LINGO2: variants seen among roughly 807,000 people sequenced by gnomAD.
LINGO2 encodes leucine rich repeat and Ig domain containing 2, also known as leucine-rich repeat and immunoglobulin-like domain-containing nogo receptor-interacting protein 2.
In LINGO2, 14 loss-of-function variants were observed where a neutral mutation model predicts 30.6. That is an observed-to-expected ratio of 0.46 (90% CI 0.30 to 0.72). LINGO2 has a LOEUF of 0.72. Among genes scored for constraint, LINGO2 ranks in the 30% least tolerant of loss-of-function variants. The pLI, the probability that LINGO2 is intolerant of heterozygous loss-of-function variation, is 0.07. For missense variants in LINGO2, 729 were observed against 751.7 expected (o/e 0.97, Z 0.35); for synonymous variants, 317 against 288.5 (o/e 1.10, Z -1.00).
At chr9:28,674,783 G>A (rs766749552), upstream of LINGO2, among the ~76,000 whole-genome samples, 1 of 152,080 alleles carries the variant, frequency 6.6e-6, no homozygotes, top group Non-Finnish European at 1.5e-5. Context: ...AACTCATCAT[G>A]GTCAAAAGGT....
At chr9:28,315,402 G>T (rs866961805) in intron 3 of LINGO2, among the ~76,000 whole-genome samples, 1 of 134,368 alleles carries the variant, frequency 7.4e-6, no homozygotes, top group African/African-American at 2.7e-5. Context: ...ACTCCGTCTC[G>T]GGGAAAAAAA....
chr9:28,956,398 G>A, the LINGO2 span, among the ~76,000 whole-genome samples: 1 of 152,028 alleles, frequency 6.6e-6, no homozygotes, highest in African/African-American at 2.4e-5. Flanking sequence ...ACTTAAAACT[G>A]TACTCTGATT....
At chr9:28,765,877 A>AAAATT in the LINGO2 span, among the ~76,000 whole-genome samples, 4 of 152,060 alleles carry the variant, frequency 2.6e-5, no homozygotes, top group Non-Finnish European at 4.4e-5. Flanking sequence ...TCATGGTGGG[A>AAAATT]AAATTAGATT....
chr9:28,995,721 G>A, the LINGO2 span, among the ~76,000 whole-genome samples: 1 of 152,090 alleles, frequency 6.6e-6, no homozygotes, highest in Admixed American at 6.6e-5. Context: ...TCCTTTGTAG[G>A]GACATGGATG....
rs879628739 is a variant in LINGO2, at chr9:28,666,045, C to T, written c.-365+4155G>A. 8.6e-5 allele frequency among the ~76,000 whole-genome samples: 13 copies of T among 152,002 alleles called. No homozygotes were observed. In the South Asian group the frequency reaches 1.2e-3, roughly 15 times the overall value. On this transcript the variant is annotated intron_variant, in intron 1 of 5. Coordinates refer to ENST00000379992, the Ensembl canonical transcript of LINGO2. The stretch of plus-strand genomic sequence containing the variant: ...TAGCTGGGATTACACACATGCACCA[C>T]GACACCCGGCTAATTTTTGTATTTT...
At chr9:29,046,454 C>T in the LINGO2 span, among the ~76,000 whole-genome samples, 7 of 152,168 alleles carry the variant, frequency 4.6e-5, no homozygotes, top group South Asian at 2.1e-4. Flanking sequence ...TGCACATCTA[C>T]GACCATCTGA....
At chr9:28,414,701 A>G (rs143948853) in intron 2 of LINGO2, among the ~76,000 whole-genome samples, 6 of 152,242 alleles carry the variant, frequency 3.9e-5, no homozygotes, top group African/African-American at 1.2e-4. Flanking sequence ...TGAGCCATTT[A>G]TTAATGAGTG....
In LINGO2 at chr9:28,610,092, G is replaced by GA. The variant is rs557017715; in HGVS notation, c.-365+60107dup. Among the ~76,000 whole-genome samples the GA allele has an allele frequency of 1.7e-4, 26 of 150,586 alleles. No homozygotes were observed. In the South Asian group the frequency reaches 5.1e-3, roughly 30 times the overall value. ...ATTGGAAGGTAGAGACAGAGGCAGA[G>GA]AAAAAAACTTCTGTTTATATGACAT... On this transcript the variant is annotated intron_variant, in intron 1 of 5. Coordinates refer to ENST00000379992, the Ensembl canonical transcript of LINGO2.
chr9:28,030,916 A>C (rs1304950504), intron 4 of LINGO2, among the ~76,000 whole-genome samples: 1 of 152,200 alleles, frequency 6.6e-6, no homozygotes, highest in Non-Finnish European at 1.5e-5. Context: ...TACCATTGAC[A>C]AATTGCTGAA....
the LINGO2 span, among the ~76,000 whole-genome samples, chr9:28,699,179 C>G: frequency 6.6e-6 from 1 of 152,038 alleles, no homozygotes; most frequent in Non-Finnish European, 1.5e-5. Context: ...CTTAGTGTTA[C>G]ATTTTCTGTT....
rs149782228 is a variant in LINGO2 at position 28,460,226 on chromosome 9, A to C, written c.-279+15714T>G. Among the ~76,000 whole-genome samples, 490 of 152,276 alleles carry C rather than the reference A, an allele frequency of 3.2e-3. 4 individuals carry two copies. The highest frequency in any genetic ancestry group is 0.011 in the African/African-American group (451 of 41,566). On this transcript the variant is annotated intron_variant, in intron 2 of 5. Transcript: ENST00000379992. ...GGAAAACCAGTTGGAATTATGCTTA[A>C]TATAGGAGCAAATACATTATGCACA...
At chr9:28,903,015 T>C in the LINGO2 span, among the ~76,000 whole-genome samples, 1 of 149,168 alleles carries the variant, frequency 6.7e-6, no homozygotes, top group African/African-American at 2.5e-5. Context: ...AGGGTAAAAA[T>C]AGTAAAGATC....
intron 5 of LINGO2, among the ~76,000 whole-genome samples, chr9:27,951,193 T>TA: frequency 6.6e-6 from 1 of 152,350 alleles, no homozygotes; most frequent in East Asian, 1.9e-4. Context: ...ATCAGGCCTT[T>TA]AGGTGCAACA....
At chr9:28,193,675 C>T (rs368605998) in intron 4 of LINGO2, among the ~76,000 whole-genome samples, 1 of 152,170 alleles carries the variant, frequency 6.6e-6, no homozygotes, top group South Asian at 2.1e-4. Context: ...CCTCCAAACT[C>T]GGTGGCTTAC....
intron 4 of LINGO2, among the ~76,000 whole-genome samples, chr9:28,274,923 C>G (rs1430261023): frequency 1.3e-5 from 2 of 152,178 alleles, no homozygotes; most frequent in Admixed American, 1.3e-4. Context: ...AAGTTAGGTG[C>G]TCACAAGTAT....
chr9:28,526,289 C>A (rs1218966120), intron 1 of LINGO2, among the ~76,000 whole-genome samples: 2 of 151,974 alleles, frequency 1.3e-5, no homozygotes, highest in Non-Finnish European at 2.9e-5. Flanking sequence ...GAGTGCTCAG[C>A]CAGAAAAATA....
chr9:28,978,066 A>G, the LINGO2 span, among the ~76,000 whole-genome samples: 2 of 152,118 alleles, frequency 1.3e-5, no homozygotes, highest in African/African-American at 2.4e-5. Context: ...AGTTATATTG[A>G]TGTAAAAAAA....
At chr9:29,035,382 G>C in the LINGO2 span, among the ~76,000 whole-genome samples, 1 of 151,740 alleles carries the variant, frequency 6.6e-6, no homozygotes, top group African/African-American at 2.4e-5. Context: ...ATTCTTCCTG[G>C]CTTGAAAATT....
the LINGO2 span, among the ~76,000 whole-genome samples, chr9:28,797,766 G>A: frequency 6.6e-6 from 1 of 152,076 alleles, no homozygotes; most frequent in South Asian, 2.1e-4. Flanking sequence ...GAGTTAAAAA[G>A]TTGATGATAA....
Sources: allele counts gnomAD v4.1 joint callset (sites outside exome capture counted in the v4.1 genomes callset), GRCh38; gene constraint gnomAD v4.1.1; transcripts MANE v1.5; gene names NCBI Gene and HGNC (gene_info 2026-07-23, HGNC 2026-07-21).